The following HFM1 variants were observed in gnomAD, a reference collection of about 807,000 sequenced individuals.
HFM1 encodes the protein probable ATP-dependent DNA helicase HFM1.
A neutral mutation model predicts 192.1 loss-of-function variants in HFM1; 169 were observed. The ratio of observed to expected loss-of-function variants is 0.88; its 90% CI spans 0.78 to 1.00. HFM1 has a LOEUF of 1.00. Among genes scored for constraint, HFM1 ranks in the 50% least tolerant of loss-of-function variants. The pLI, the probability that HFM1 is intolerant of heterozygous loss-of-function variation, is 0.00. For synonymous variants in HFM1, 525 were observed against 537.8 expected (o/e 0.98, Z 0.33); for missense variants, 1,661 against 1,668.0 (o/e 1.00, Z 0.07).
At chr1:91,399,127 G>A (rs967333294) in intron 2 of HFM1, among the ~76,000 whole-genome samples, 1 of 152,096 alleles carries the variant, frequency 6.6e-6, no homozygotes, top group Non-Finnish European at 1.5e-5. Flanking sequence ...AGTACTATGT[G>A]CCAGGTATTG....
chr1:91,394,552 G>A (rs1012357773), intron 3 of HFM1, 150 bp from the exon 4 acceptor site: 17 of 549,444 alleles, frequency 3.1e-5, no homozygotes, highest in African/African-American at 2.7e-4. Context: ...TACCATATAC[G>A]GTTTTAAAAT....
intron 19 of HFM1, among the ~76,000 whole-genome samples, chr1:91,343,868 T>C (rs1181553088): frequency 1.3e-5 from 2 of 152,210 alleles, no homozygotes; most frequent in East Asian, 3.9e-4. Flanking sequence ...AACTAAAGAA[T>C]AGAGGCTAAG....
intron 20 of HFM1, chr1:91,339,001 C>T (rs982905534): frequency 8.8e-6 from 4 of 455,808 alleles, no homozygotes; most frequent in Admixed American, 2.3e-5. Context: ...CCCAGGAGCA[C>T]TGAGCTGAGC....
At position 91,313,494 on chromosome 1, in the gene HFM1, A is replaced by C. The variant is rs751070440; in HGVS notation, c.3246T>G (p.Val1082=). Residue 1082 remains valine (V), a splice_region_variant and synonymous_variant, in exon 30 of 39, where the codon GTT becomes GTG. Transcript: ENST00000370425. ...LSINLISSEF[V]GLDIQQKLTV... ...TAAGTTTCTGCTGAATATCAAGCCCAACTGGAAAATGAAAAAAAAGTACAC... is the reference window on the plus strand; with the variant it reads ...TAAGTTTCTGCTGAATATCAAGCCCCACTGGAAAATGAAAAAAAAGTACAC... 6.4e-7 allele frequency: 1 copy of C among 1,566,880 alleles called. No homozygotes were observed. The highest frequency in any genetic ancestry group is 8.6e-7 in the Non-Finnish European group (1 of 1,158,730).
At chr1:91,271,308 AGT>A (rs1456335170) in intron 34 of HFM1, among the ~76,000 whole-genome samples, 1 of 152,164 alleles carries the variant, frequency 6.6e-6, no homozygotes, top group Non-Finnish European at 1.5e-5. Flanking sequence ...AGTAAAGCCA[AGT>A]AGCAACAGGC....
intron 18 of HFM1, among the ~76,000 whole-genome samples, chr1:91,349,000 C>T (rs1360663072): frequency 6.7e-6 from 1 of 149,654 alleles, no homozygotes; most frequent in East Asian, 2.0e-4. Context: ...AAAAAATATG[C>T]CACAAGGCCA....
chr1:91,303,842 GTTTTAT>G (rs1649204721), intron 30 of HFM1, among the ~76,000 whole-genome samples: 3 of 152,048 alleles, frequency 2.0e-5, no homozygotes, highest in Admixed American at 1.3e-4. Flanking sequence ...CCCTTGACTA[GTTTTAT>G]TTTTATTTTA....
At chr1:91,325,107 G>C (rs908803431) in intron 20 of HFM1, among the ~76,000 whole-genome samples, 6 of 152,162 alleles carry the variant, frequency 3.9e-5, no homozygotes, top group African/African-American at 1.4e-4. Context: ...GGCCAGAGGG[G>C]GAGCCTACTG....
rs190832180 is a variant in HFM1 at position 91,293,078 on chromosome 1, T to C, written c.3392-16016A>G. Among the ~76,000 whole-genome samples the C allele has an allele frequency of 9.4e-4, 143 of 152,332 alleles. 2 individuals carry two copies. Among genetic ancestry groups the C allele is most frequent in the Middle Eastern group, 6.8e-3 (2 of 294 alleles). On this transcript the variant is annotated intron_variant, in intron 30 of 38. Coordinates refer to ENST00000370425, the MANE Select transcript of HFM1 (RefSeq NM_001017975.6). ...CAAGATGGATTAAAGACTTGAACGT[T>C]AGACCTAAAACCATAAAAACCCTAG...
intron 34 of HFM1, among the ~76,000 whole-genome samples, chr1:91,271,194 T>C (rs1666256879): frequency 6.6e-6 from 1 of 152,168 alleles, no homozygotes; most frequent in Non-Finnish European, 1.5e-5. Context: ...GAATGAGCTC[T>C]GGTCTGCCAA....
chr1:91,401,481 G>T (rs2102216627), intron 1 of HFM1, among the ~76,000 whole-genome samples: 1 of 152,258 alleles, frequency 6.6e-6, no homozygotes, highest in African/African-American at 2.4e-5. Flanking sequence ...GTCTTCTTGG[G>T]CTCTTAATAC....
chr1:91,330,002 T>A (rs1032398110), intron 20 of HFM1, among the ~76,000 whole-genome samples: 5 of 152,130 alleles, frequency 3.3e-5, no homozygotes, highest in African/African-American at 1.2e-4. Context: ...GAGGAACTGC[T>A]GAGAGAAGAT....
At chr1:91,294,144 A>C (rs374770190) in intron 30 of HFM1, among the ~76,000 whole-genome samples, 1 of 151,934 alleles carries the variant, frequency 6.6e-6, no homozygotes, top group Non-Finnish European at 1.5e-5. Flanking sequence ...GCACATGTAT[A>C]CATATGTAAC....
At chr1:91,270,574 T>TA (rs55948138) in intron 34 of HFM1, among the ~76,000 whole-genome samples, 23,032 of 102,832 alleles carry the variant, frequency 0.22, 2,115 homozygotes, top group East Asian at 0.46. Flanking sequence ...GTGAGAAGAA[T>TA]AAAAAAAAAA....
At chr1:91,372,728 GTATAA>G (rs1660394345) in intron 13 of HFM1, among the ~76,000 whole-genome samples, 1 of 151,946 alleles carries the variant, frequency 6.6e-6, no homozygotes, top group Non-Finnish European at 1.5e-5. Flanking sequence ...AAAACTTAAA[GTATAA>G]TAAAAAAAAG....
chr1:91,313,886 C>T, intron 29 of HFM1, 71 bp downstream of exon 29: 2 of 785,080 alleles, frequency 2.5e-6, no homozygotes, highest in Non-Finnish European at 4.2e-6. Context: ...TCTGTACCAG[C>T]ATAAAGGATG....
chr1:91,319,551 A>AT (rs1340692466), intron 23 of HFM1, among the ~76,000 whole-genome samples, 161 bp from the exon 24 acceptor site: 124 of 152,306 alleles, frequency 8.1e-4, no homozygotes, highest in African/African-American at 2.9e-3. Context: ...GGTCAATAAT[A>AT]AAAGTTCATT....
chr1:91,261,838 T>A (rs1423505093), intron 38 of HFM1: 2 of 155,644 alleles, frequency 1.3e-5, no homozygotes, highest in Non-Finnish European at 2.8e-5. Context: ...CCCATGAGAT[T>A]TAATCTGACA....
chr1:91,336,897 A>G (rs564890796), intron 20 of HFM1, among the ~76,000 whole-genome samples: 3 of 152,234 alleles, frequency 2.0e-5, no homozygotes, highest in Non-Finnish European at 4.4e-5. Context: ...GATACTATGC[A>G]GCCATGAAAA....
Sources: allele counts gnomAD v4.1 joint callset (sites outside exome capture counted in the v4.1 genomes callset), GRCh38; gene constraint gnomAD v4.1.1; transcripts MANE v1.5; gene names NCBI Gene and HGNC (gene_info 2026-07-23, HGNC 2026-07-21).